SLC39A12: variants seen among roughly 807,000 people sequenced by gnomAD.
SLC39A12 encodes solute carrier family 39 member 12.
Under a neutral mutation model 71.1 loss-of-function variants are expected in SLC39A12, and 63 were observed. The observed-to-expected ratio is 0.89, with a 90% CI of 0.72 to 1.09. SLC39A12 has a LOEUF of 1.09. SLC39A12 is among the 50% of genes least tolerant of loss of function. The pLI, the probability that SLC39A12 is intolerant of heterozygous loss-of-function variation, is 0.00. For missense variants in SLC39A12, 892 were observed against 812.6 expected, an observed-to-expected ratio of 1.10 and a Z score of -1.19; for synonymous variants, 351 against 301.3, an observed-to-expected ratio of 1.16 and a Z score of -1.71.
intron 12 of SLC39A12, among the ~76,000 whole-genome samples, chr10:18,042,017 A>C (rs1477666675): frequency 6.6e-6 from 1 of 151,654 alleles, no homozygotes; most frequent in Non-Finnish European, 1.5e-5. Context: ...CCCTCCTCCC[A>C]TAATATGTAT....
intron 10 of SLC39A12, among the ~76,000 whole-genome samples, chr10:17,999,328 A>C (rs1835770563): frequency 6.7e-6 from 1 of 148,964 alleles, no homozygotes; most frequent in Non-Finnish European, 1.5e-5. Context: ...AGGAAGCATT[A>C]TGCATTCAGT....
intron 5 of SLC39A12, among the ~76,000 whole-genome samples, chr10:17,980,159 T>C (rs536673546): frequency 6.6e-6 from 1 of 152,100 alleles, no homozygotes; most frequent in Non-Finnish European, 1.5e-5. Context: ...TGTGCCTTTC[T>C]AATACAATTT....
At chr10:17,959,589 G>A (rs1431402629) in intron 2 of SLC39A12, among the ~76,000 whole-genome samples, 1 of 152,146 alleles carries the variant, frequency 6.6e-6, no homozygotes, top group Non-Finnish European at 1.5e-5. Flanking sequence ...ATCTGTCTGG[G>A]AGTCACGACA....
chr10:18,036,370 G>T (rs941300746), intron 12 of SLC39A12, among the ~76,000 whole-genome samples: 24 of 152,102 alleles, frequency 1.6e-4, no homozygotes, highest in African/African-American at 5.5e-4. Context: ...TTTTTAAGCC[G>T]GTCTGAAAAG....
chr10:18,036,786 A>ATTTTT (rs1407183255), intron 12 of SLC39A12, among the ~76,000 whole-genome samples: 9 of 9,458 alleles, frequency 9.5e-4, no homozygotes, highest in African/African-American at 2.9e-3. Flanking sequence ...ATATATATAT[A>ATTTTT]TATATATATT....
intron 12 of SLC39A12, among the ~76,000 whole-genome samples, chr10:18,041,535 TACAC>T (rs56222977): frequency 0.029 from 3,535 of 120,642 alleles, 447 homozygotes; most frequent in African/African-American, 0.1. Flanking sequence ...TGTATATATA[TACAC>T]ACACACACAC....
At chr10:17,976,122 A>G (rs1835102960) in intron 4 of SLC39A12, among the ~76,000 whole-genome samples, 1 of 152,196 alleles carries the variant, frequency 6.6e-6, no homozygotes. Flanking sequence ...TGAAGTTAAA[A>G]CCAGGTATAA....
In SLC39A12 at chr10:17,958,131, G is replaced by A. The variant is rs188709204; in HGVS notation, c.262-3450G>A. On this transcript the variant is annotated intron_variant, in intron 2 of 12. Transcript: ENST00000377369. ...TGCGGACCCTGCTCTCTGCTGTTCC[G>A]TGCCTTGCATTCCAATTCCAACCCT... Among the ~76,000 whole-genome samples, 9 of 152,212 alleles carry A rather than the reference G, an allele frequency of 5.9e-5. No homozygotes were observed. The East Asian group carries it at 7.7e-4, about 13-fold the overall frequency.
chr10:17,961,261 A>T (rs1834681302), intron 2 of SLC39A12, among the ~76,000 whole-genome samples: 1 of 152,212 alleles, frequency 6.6e-6, no homozygotes, highest in African/African-American at 2.4e-5. Flanking sequence ...GATTGCAAGG[A>T]ATTCGGATTT....
chr10:18,038,272 A>G (rs1837120151), intron 12 of SLC39A12, among the ~76,000 whole-genome samples: 1 of 152,126 alleles, frequency 6.6e-6, no homozygotes, highest in Admixed American at 6.5e-5. Context: ...ACTGACTCTC[A>G]TAAAAGATGC....
chr10:17,981,639 A>G (rs909579731), intron 6 of SLC39A12, among the ~76,000 whole-genome samples, 156 bp downstream of exon 6: 1 of 152,210 alleles, frequency 6.6e-6, no homozygotes, highest in African/African-American at 2.4e-5. Context: ...GGTAGATATT[A>G]TTATTCCCAT....
intron 4 of SLC39A12, among the ~76,000 whole-genome samples, chr10:17,970,610 C>T (rs138442666): frequency 0.014 from 2,065 of 150,386 alleles, 42 homozygotes; most frequent in African/African-American, 0.044. Context: ...GAAATGCTAC[C>T]GATTTTTGTA....
chr10:18,012,460 A>G (rs1340183445), intron 12 of SLC39A12, among the ~76,000 whole-genome samples: 2 of 152,152 alleles, frequency 1.3e-5, no homozygotes, highest in Non-Finnish European at 2.9e-5. Context: ...CATCTCCACC[A>G]AGGTCCAGTC....
chr10:17,961,617 G>A lies in SLC39A12; in HGVS notation c.298G>A (p.Gly100Arg). 6.2e-7 allele frequency: 1 copy of A among 1,613,672 alleles called. No individual in the cohort carries two copies. ...EPDALLLIAG[G>R]NFEDQLREEV... ...AGATGCACTATTACTAATAGCTGGAGGAAATTTTGAAGATCAGCTTAGAGA... is the reference window on the plus strand; with the variant it reads ...AGATGCACTATTACTAATAGCTGGAAGAAATTTTGAAGATCAGCTTAGAGA... The change falls in exon 3 of 13, where the codon GGA (glycine) becomes AGA (arginine). Residue 100 changes from glycine (G) to arginine (R), a missense_variant. By Grantham distance (125) the Gly-to-Arg change is moderately radical. Transcript: ENST00000377369.
At chr10:17,970,360 A>T (rs1323361199) in intron 4 of SLC39A12, among the ~76,000 whole-genome samples, 2 of 152,164 alleles carry the variant, frequency 1.3e-5, no homozygotes, top group African/African-American at 2.4e-5. Context: ...GCAATGAATC[A>T]GTAGATTACT....
At chr10:18,007,422 C>T (rs1442239448) in intron 12 of SLC39A12, among the ~76,000 whole-genome samples, 1 of 152,168 alleles carries the variant, frequency 6.6e-6, no homozygotes, top group African/African-American at 2.4e-5. Flanking sequence ...TGCAGCAGCA[C>T]CCCTAACTCC....
intron 4 of SLC39A12, among the ~76,000 whole-genome samples, chr10:17,969,725 C>T (rs762271952): frequency 7.9e-5 from 12 of 152,032 alleles, no homozygotes; most frequent in Admixed American, 3.9e-4. Context: ...CAAATATTTT[C>T]TCCCATTCTG....
chr10:17,982,053 ACAT>A (rs1835274230), intron 6 of SLC39A12, among the ~76,000 whole-genome samples: 1 of 152,144 alleles, frequency 6.6e-6, no homozygotes, highest in South Asian at 2.1e-4. Flanking sequence ...TGCCTTTCTC[ACAT>A]CATGGCATGT....
At chr10:17,982,949 G>A (rs920726093) in intron 6 of SLC39A12, among the ~76,000 whole-genome samples, 9 of 152,080 alleles carry the variant, frequency 5.9e-5, no homozygotes, top group Middle Eastern at 3.4e-3. Flanking sequence ...CCAGCACTTC[G>A]GGAGGCCGAG....
Sources: allele counts gnomAD v4.1 joint callset (sites outside exome capture counted in the v4.1 genomes callset), GRCh38; gene constraint gnomAD v4.1.1; transcripts MANE v1.5; gene names NCBI Gene and HGNC (gene_info 2026-07-23, HGNC 2026-07-21).